The following FCHO1 variants were observed in gnomAD, a reference collection of about 807,000 sequenced individuals.
FCHO1 encodes FCH and mu domain containing endocytic adaptor 1.
A neutral mutation model predicts 114.4 loss-of-function variants in FCHO1; 45 were observed. The observed-to-expected ratio is 0.39, with a 90% CI of 0.31 to 0.50. FCHO1 has a LOEUF of 0.50. Among genes scored for constraint, FCHO1 ranks in the 20% least tolerant of loss-of-function variants. The pLI is 0.77. For synonymous variants in FCHO1, 480 were observed against 488.9 expected, an observed-to-expected ratio of 0.98 and a Z score of 0.24; for missense variants, 1,042 against 1,209.6, an observed-to-expected ratio of 0.86 and a Z score of 2.06.
intron 11 of FCHO1, 33 bp downstream of exon 11, chr19:17,772,774 C>T (rs369354291): frequency 1.3e-4 from 198 of 1,530,074 alleles, no homozygotes; most frequent in Non-Finnish European, 1.6e-4. Context: ...GGTCGGGCTT[C>T]GGGGCCACAG....
At position 17,781,433 on chromosome 19, in the gene FCHO1, T is replaced by C. The variant is rs377013592; in HGVS notation, c.1741-19T>C. 3 of 1,613,708 alleles carry C rather than the reference T, an allele frequency of 1.9e-6. No homozygotes were observed. The highest frequency in any genetic ancestry group is 2.5e-6 in the Non-Finnish European group (3 of 1,179,806). On this transcript the variant is annotated intron_variant, in intron 21 of 28. Transcript: ENST00000596536. ...GGTCCTGGGGCACTCACAGCCAAGA[T>C]TGTCTCTTTCCCTTCCAGTCTCGTT...
At chr19:17,759,240 T>TTTTTTTTTTTTTTTTA (rs1888198718) in intron 4 of FCHO1, among the ~76,000 whole-genome samples, 1 of 147,074 alleles carries the variant, frequency 6.8e-6, no homozygotes, top group Non-Finnish European at 1.5e-5. Flanking sequence ...TTTTTTTTTT[T>TTTTTTTTTTTTTTTTA]GAGACAGAGT....
intron 3 of FCHO1, 29 bp from the exon 4 acceptor site, chr19:17,755,089 C>G: frequency 7.0e-7 from 1 of 1,430,104 alleles, no homozygotes; most frequent in South Asian, 1.1e-5. Context: ...GGCAATGACT[C>G]TGTAGCTCAA....
intron 20 of FCHO1, 75 bp downstream of exon 20, chr19:17,778,959 C>A: frequency 7.1e-7 from 1 of 1,400,430 alleles, no homozygotes; most frequent in Non-Finnish European, 9.4e-7. Flanking sequence ...TTGGGCAGGG[C>A]CTGATCAGGC....
intron 4 of FCHO1, among the ~76,000 whole-genome samples, chr19:17,762,390 TTCC>T (rs1248962289): frequency 2.6e-5 from 4 of 151,836 alleles, no homozygotes; most frequent in Admixed American, 6.6e-5. Flanking sequence ...GGCCACATAA[TTCC>T]TCATTTATGG....
Position 17,772,693 on chromosome 19 carries a change from C to T in FCHO1, c.742C>T (p.Leu248=). Residue 248 remains leucine, a synonymous_variant, in exon 11 of 29, where the codon CTA becomes TTA. Coordinates refer to ENST00000596536, the MANE Select transcript of FCHO1 (RefSeq NM_015122.3). Reference sequence around the variant, plus strand: ...CATCGAGAACGTCAGCGTGGAGATGCTACTCAGGAAGTTTGCAGAGAGTAA... The same window carrying T: ...CATCGAGAACGTCAGCGTGGAGATGTTACTCAGGAAGTTTGCAGAGAGTAA... ...QNIENVSVEM[L]LRKFAESKGT... is the part of the protein sequence containing the mutation. 6.2e-7 allele frequency: 1 copy of T among 1,614,164 alleles called. No homozygotes were observed. Among genetic ancestry groups the T allele is most frequent in the South Asian group, 1.1e-5 (1 of 91,084 alleles).
intron 4 of FCHO1, among the ~76,000 whole-genome samples, chr19:17,760,827 T>C (rs2085836140): frequency 6.6e-6 from 1 of 152,096 alleles, no homozygotes; most frequent in Non-Finnish European, 1.5e-5. Context: ...TTTTGCATTT[T>C]TAGTAAACAC....
chr19:17,786,544 A>G (rs1005440378), intron 26 of FCHO1, 30 bp from the exon 27 acceptor site: 7 of 1,610,724 alleles, frequency 4.3e-6, no homozygotes, highest in Non-Finnish European at 5.9e-6. Flanking sequence ...CTCTCTGGGG[A>G]AGCCCTGATT....
At chr19:17,751,188 C>T (rs760386690), upstream of FCHO1, among the ~76,000 whole-genome samples, 1 of 152,180 alleles carries the variant, frequency 6.6e-6, no homozygotes, top group Non-Finnish European at 1.5e-5. This position sits in a 1 kb window ranked among gnomAD's most constrained non-coding sequence, Gnocchi z 4.4. Context: ...CTCAGTTTGC[C>T]CAGTCTGTGA....
intron 6 of FCHO1, among the ~76,000 whole-genome samples, chr19:17,765,190 G>T (rs1033829472): frequency 9.2e-5 from 14 of 152,134 alleles, no homozygotes; most frequent in African/African-American, 3.1e-4. Context: ...CAGGCCATGG[G>T]GATGTCTGAG....
At chr19:17,781,884 G>A in intron 23 of FCHO1, 64 bp downstream of exon 23, 1 of 1,077,856 alleles carries the variant, frequency 9.3e-7, no homozygotes, top group East Asian at 2.4e-5. Flanking sequence ...AGCAGGGACA[G>A]CTTTCAGATG....
At chr19:17,785,636 A>G (rs1186261526) in intron 26 of FCHO1, among the ~76,000 whole-genome samples, 1 of 152,270 alleles carries the variant, frequency 6.6e-6, no homozygotes, top group East Asian at 1.9e-4. Flanking sequence ...GATCGAGACC[A>G]TCCTGGTTAA....
intron 18 of FCHO1, among the ~76,000 whole-genome samples, 176 bp from the exon 19 acceptor site, chr19:17,777,961 C>T (rs1207959473): frequency 6.6e-6 from 1 of 152,046 alleles, no homozygotes; most frequent in Non-Finnish European, 1.5e-5. Context: ...ATCGCTTGAA[C>T]GCAGGAAGCG....
At position 17,784,372 on chromosome 19, in the gene FCHO1, C is replaced by G. The variant is rs895483503; in HGVS notation, c.2226+137C>G. 1.8e-6 allele frequency: 2 copies of G among 1,133,852 alleles called. No individual in the cohort carries two copies. Among genetic ancestry groups the G allele is most frequent in the African/African-American group, 3.1e-5 (2 of 64,666 alleles). The allele number at this position is 1,133,852 out of a possible 1,614,324, so 70.2% of individuals were successfully genotyped here. A position where few individuals can be genotyped will look rare whatever the true frequency, so the allele number is the denominator to read the frequency against. ...CTCAAGAGATCCAATCTGTGAGAGC[C>G]GATGAGCTGGAGGGAGTAGGCAGTG... On this transcript the variant is annotated intron_variant, in intron 25 of 28. Transcript: ENST00000596536. The surrounding 1 kb of genome is among the most constrained non-coding windows in gnomAD (Gnocchi z 5.3).
chr19:17,772,630 G>A lies in FCHO1; in HGVS notation c.694-15G>A, dbSNP rs149164146. The A allele has an allele frequency of 1.4e-3, 2,208 of 1,613,786 alleles. 39 individuals are homozygous for A. In the South Asian group the frequency reaches 0.02, roughly 15 times the overall value. On this transcript the variant is annotated splice_polypyrimidine_tract_variant and intron_variant, in intron 10 of 28. Transcript: ENST00000596536. ...GGGGCCTTGACCAGTTACACACCCC[G>A]CCCACCCGGCACAGGTGCATGAGGA...
intron 4 of FCHO1, among the ~76,000 whole-genome samples, chr19:17,756,238 T>C (rs1422811796): frequency 6.6e-6 from 1 of 152,092 alleles, no homozygotes; most frequent in African/African-American, 2.4e-5. Context: ...ACCTCCGCCC[T>C]CTCTCCAAAG....
upstream of FCHO1, among the ~76,000 whole-genome samples, chr19:17,750,822 C>CT (rs1326515643): frequency 8.3e-3 from 1,200 of 143,812 alleles, 53 homozygotes; most frequent in African/African-American, 0.028. Context: ...CTTCCCCTTT[C>CT]TTTTCTTTTT....
At chr19:17,764,792 G>A (rs1399042828) in intron 6 of FCHO1, among the ~76,000 whole-genome samples, 1 of 151,024 alleles carries the variant, frequency 6.6e-6, no homozygotes, top group Non-Finnish European at 1.5e-5. Context: ...GGGGCCAGGT[G>A]CGGTGGCTCA....
upstream of FCHO1, among the ~76,000 whole-genome samples, chr19:17,748,508 G>GC (rs1491432000): frequency 6.3e-5 from 4 of 63,762 alleles, no homozygotes; most frequent in Non-Finnish European, 1.3e-4. Flanking sequence ...GCCTGGACTT[G>GC]GGGGGGGGGT....
Sources: gnomAD v4.1 joint callset for allele counts (sites outside exome capture counted in the v4.1 genomes callset) on GRCh38, gnomAD v4.1.1 for gene constraint, Gnocchi (gnomAD v3.1) non-coding constraint, MANE v1.5 for transcripts, NCBI Gene and HGNC (gene_info 2026-07-23, HGNC 2026-07-21) for gene names.